The following C16orf89 variants were observed in gnomAD, a reference collection of about 807,000 sequenced individuals.
C16orf89 encodes the protein UPF0764 protein C16orf89.
A neutral mutation model predicts 41.5 loss-of-function variants in C16orf89; 57 were observed. The ratio of observed to expected loss-of-function variants is 1.38; its 90% CI spans 1.11 to 1.71. The LOEUF (loss-of-function observed/expected upper bound fraction) is 1.71, where lower values mean the gene tolerates loss of function less well. C16orf89 is among the 40% of genes most tolerant of loss of function. C16orf89 has a pLI of 0.00. For synonymous variants in C16orf89, 223 were observed against 190.6 expected, an observed-to-expected ratio of 1.17 and a Z score of -1.40; for missense variants, 575 against 445.9, an observed-to-expected ratio of 1.29 and a Z score of -2.61.
intron 6 of C16orf89, among the ~76,000 whole-genome samples, chr16:5,049,507 C>A (rs760569068): frequency 1.3e-5 from 2 of 152,186 alleles, no homozygotes; most frequent in African/African-American, 2.4e-5. Context: ...CAAGTATCTT[C>A]TTGACCACAA....
chr16:5,058,001 A>C (rs1956544451), intron 4 of C16orf89, among the ~76,000 whole-genome samples: 1 of 152,094 alleles, frequency 6.6e-6, no homozygotes. Flanking sequence ...GCTCAATTAC[A>C]CAGCAGGAGT....
Position 5,056,051 on chromosome 16 carries a change from A to G in C16orf89, c.763+2T>C, listed in dbSNP as rs1038070427. ...GCCCCGGGGGCAGAATGCTGGCCAT[A>G]CTGTTTTCCATGAAGATGTCCCGGG... On this transcript the variant is annotated splice_donor_variant, in intron 5 of 7. Coordinates refer to ENST00000472572, the MANE Select transcript of C16orf89 (RefSeq NM_001098514.3). LOFTEE classifies it high-confidence loss of function. 46 of 1,590,876 alleles carry G rather than the reference A, an allele frequency of 2.9e-5. No homozygotes were observed. Among genetic ancestry groups the G allele is most frequent in the Non-Finnish European group, 3.7e-5 (43 of 1,162,332 alleles).
chr16:5,045,099 G>A lies in C16orf89; in HGVS notation c.956-621C>T, dbSNP rs1459175424. Reference sequence around the variant, plus strand: ...AAGGCATTCCCCTCCCACCCCTGCGGGGGGATCTGGCCTGAGGCCGCATCC... The same window carrying A: ...AAGGCATTCCCCTCCCACCCCTGCGAGGGGATCTGGCCTGAGGCCGCATCC... On this transcript the variant is annotated intron_variant, in intron 7 of 7. Transcript: ENST00000472572. 3.3e-5 allele frequency among the ~76,000 whole-genome samples: 5 copies of A among 152,244 alleles called. 1 individual carries two copies. The highest frequency in any genetic ancestry group is 7.3e-5 in the Non-Finnish European group (5 of 68,038).
At chr16:5,062,854 A>T (rs1956657716) in intron 1 of C16orf89, among the ~76,000 whole-genome samples, 1 of 152,174 alleles carries the variant, frequency 6.6e-6, no homozygotes, top group Middle Eastern at 3.2e-3. Flanking sequence ...CTTGAGGTTC[A>T]AATCCTCAAA....
At chr16:5,053,572 G>A (rs1247136718) in intron 6 of C16orf89, among the ~76,000 whole-genome samples, 2 of 149,536 alleles carry the variant, frequency 1.3e-5, no homozygotes, top group Non-Finnish European at 3.0e-5. Flanking sequence ...ACAGTGTCTC[G>A]CTTTGTCACC....
intron 6 of C16orf89, among the ~76,000 whole-genome samples, chr16:5,053,675 C>T (rs114396988): frequency 0.011 from 1,674 of 152,032 alleles, 23 homozygotes; most frequent in African/African-American, 0.038. Context: ...TCCCAAGTAG[C>T]CGGGACCATA....
intron 7 of C16orf89, chr16:5,044,946 T>C (rs1237439115): frequency 8.3e-7 from 1 of 1,210,034 alleles, no homozygotes; most frequent in Non-Finnish European, 1.0e-6. Context: ...GGCCGGGTGC[T>C]CTTCCGCCAG....
intron 6 of C16orf89, among the ~76,000 whole-genome samples, chr16:5,053,293 C>T (rs1956431067): frequency 6.6e-6 from 1 of 152,032 alleles, no homozygotes; most frequent in Non-Finnish European, 1.5e-5. Context: ...TCGCTTGTAC[C>T]TGGGAGGCGG....
Position 5,055,340 on chromosome 16 carries a change from A to C in C16orf89, c.774T>G (p.Cys258Trp). 2 of 1,610,030 alleles carry C rather than the reference A, an allele frequency of 1.2e-6. No individual in the cohort carries two copies. The highest frequency in any genetic ancestry group is 1.7e-6 in the Non-Finnish European group (2 of 1,177,762). ...RDIFMENIMF[C>W]GMGGFSDFYK... ...AGAAGTCGGAGAAGCCGCCCATTCC[A>C]CAGAACATGACTGGAAGTAAAGACG... The change falls in exon 6 of 8, where the codon TGT becomes TGG. Residue 258 changes from cysteine (C) to tryptophan (W), a missense_variant. Transcript: ENST00000472572.
chr16:5,058,466 C>T (rs1034512996), intron 4 of C16orf89, 27 bp downstream of exon 4: 2 of 1,554,918 alleles, frequency 1.3e-6, no homozygotes, highest in South Asian at 2.2e-5. Flanking sequence ...CTTCCCCTGG[C>T]ACGGCGGGGG....
intron 7 of C16orf89, among the ~76,000 whole-genome samples, chr16:5,045,652 C>T (rs1327368878): frequency 6.6e-6 from 1 of 152,092 alleles, no homozygotes; most frequent in African/African-American, 2.4e-5. Flanking sequence ...GGGCTTTGCA[C>T]GATGATCAGT....
intron 4 of C16orf89, among the ~76,000 whole-genome samples, 187 bp downstream of exon 4, chr16:5,058,306 T>C (rs1567157067): frequency 6.6e-6 from 1 of 151,912 alleles, no homozygotes; most frequent in Non-Finnish European, 1.5e-5. Flanking sequence ...TTTTTTTTTG[T>C]ATTTTTAGTA....
In C16orf89 at chr16:5,058,528, A is replaced by G. The variant is rs563594041; in HGVS notation, c.592T>C (p.Ser198Pro). The G allele has an allele frequency of 1.2e-6, 2 of 1,612,226 alleles. No homozygotes were observed. Among genetic ancestry groups the G allele is most frequent in the Non-Finnish European group, 1.7e-6 (2 of 1,179,490 alleles). ...TKPGCSGYCL[S>P]HQLLFFLWAR... The stretch of plus-strand genomic sequence containing the variant: ...CAGAGGAAGAAGAGCAGTTGGTGGG[A>G]CAGGCAGTAGCCTGAGCAGCCGGGC... The change falls in exon 4 of 8, where the codon TCC becomes CCC. Residue 198 changes from serine to proline, a missense_variant. Coordinates refer to ENST00000472572, the MANE Select transcript of C16orf89 (RefSeq NM_001098514.3).
chr16:5,044,356 T>C lies in C16orf89; in HGVS notation c.1078A>G (p.Ser360Gly). 1 of 1,605,452 alleles carries C rather than the reference T, an allele frequency of 6.2e-7. No individual in the cohort carries two copies. Among genetic ancestry groups the C allele is most frequent in the Non-Finnish European group, 8.5e-7 (1 of 1,176,566 alleles). ...PHPSTPPPPS[S>G]R ...GCATGGAACCGTCCGTCTCAGCGGC[T>C]GCTTGGTGGTGGCGGTGTGGATGGG... is the stretch of plus-strand genomic sequence containing the variant. The change falls in exon 8 of 8, where the codon AGC becomes GGC. Residue 360 changes from serine to glycine, a missense_variant. Ser to Gly is a moderately conservative substitution (Grantham distance 56, BLOSUM62 0). Coordinates refer to ENST00000472572, the MANE Select transcript of C16orf89 (RefSeq NM_001098514.3).
chr16:5,060,089 G>A (rs1347591648), intron 3 of C16orf89, 197 bp downstream of exon 3: 3 of 529,422 alleles, frequency 5.7e-6, no homozygotes, highest in Non-Finnish European at 9.4e-6. Flanking sequence ...TGGCATGGGA[G>A]GCCAGCGGGC....
intron 6 of C16orf89, 26 bp from the exon 7 acceptor site, chr16:5,047,990 T>A (rs1294573489): frequency 1.6e-5 from 19 of 1,197,922 alleles, no homozygotes; most frequent in Non-Finnish European, 2.3e-5. Flanking sequence ...AAGTTGAACT[T>A]CTCAAGAGAG....
rs201761749 is a variant in C16orf89, at chr16:5,055,305, C to T, written c.809G>A (p.Arg270Gln). ...CCAGCTGAGAATGGCCTCCAGCCAC[C>T]GGAGCTTGTAGAAGTCGGAGAAGCC... ...MGGFSDFYKL[R>Q]WLEAILSWQK... Residue 270 changes from arginine (R) to glutamine (Q), a missense_variant, in exon 6 of 8, where the codon CGG becomes CAG. Transcript: ENST00000472572. 1,889 of 1,613,574 alleles carry T rather than the reference C, an allele frequency of 1.2e-3. 10 individuals carry two copies. The Middle Eastern group carries it at 0.017, about 14-fold the overall frequency.
chr16:5,055,635 C>G, intron 5 of C16orf89: 1 of 1,476,510 alleles, frequency 6.8e-7, no homozygotes, highest in Non-Finnish European at 9.1e-7. Flanking sequence ...GCCTCCCAAG[C>G]GCTCCCTGTC....
At chr16:5,050,687 C>T (rs1956379710) in intron 6 of C16orf89, among the ~76,000 whole-genome samples, 1 of 152,114 alleles carries the variant, frequency 6.6e-6, no homozygotes, top group Admixed American at 6.6e-5. Flanking sequence ...AAAGCAACAA[C>T]AAAAAAACTA....
Sources: allele counts gnomAD v4.1 joint callset (sites outside exome capture counted in the v4.1 genomes callset), GRCh38; gene constraint gnomAD v4.1.1; transcripts MANE v1.5; gene names NCBI Gene and HGNC (gene_info 2026-07-23, HGNC 2026-07-21).